The following FAM178B variants were observed in gnomAD, a reference collection of about 807,000 sequenced individuals.
FAM178B encodes protein FAM178B.
In FAM178B, 82 loss-of-function variants were observed where a neutral mutation model predicts 91.7. The ratio of observed to expected loss-of-function variants is 0.89; its 90% CI spans 0.75 to 1.07. FAM178B has a LOEUF of 1.07. Among genes scored for constraint, FAM178B ranks in the 50% least tolerant of loss-of-function variants. FAM178B has a pLI of 0.00. For missense variants in FAM178B, 769 were observed against 846.7 expected, an observed-to-expected ratio of 0.91 and a Z score of 1.14; for synonymous variants, 368 against 359.4, an observed-to-expected ratio of 1.02 and a Z score of -0.27.
chr2:96,889,840 C>T (rs933446748), intron 14 of FAM178B, among the ~76,000 whole-genome samples: 2 of 151,648 alleles, frequency 1.3e-5, no homozygotes, highest in Non-Finnish European at 2.9e-5. Flanking sequence ...TCAATAATCT[C>T]GATGGAATTG....
chr2:96,943,760 GC>G (rs11308714), intron 8 of FAM178B, among the ~76,000 whole-genome samples: 28,084 of 152,052 alleles, frequency 0.18, 4,209 homozygotes, highest in African/African-American at 0.41. Flanking sequence ...TTCAAGGAAA[GC>G]CCCTACTCTT....
intron 12 of FAM178B, among the ~76,000 whole-genome samples, chr2:96,908,009 C>T (rs879433572): frequency 2.5e-4 from 38 of 152,260 alleles, no homozygotes; most frequent in Admixed American, 9.8e-4. Flanking sequence ...CCGCCTGGCT[C>T]GCACCCCGGG....
At chr2:96,941,128 T>C (rs898115805) in intron 8 of FAM178B, among the ~76,000 whole-genome samples, 77 of 152,268 alleles carry the variant, frequency 5.1e-4, no homozygotes, top group African/African-American at 1.8e-3. Context: ...GTATTCATTT[T>C]GTGCCGGGAA....
At chr2:96,877,207 T>C (rs1345007488) in intron 16 of FAM178B, among the ~76,000 whole-genome samples, 2 of 152,028 alleles carry the variant, frequency 1.3e-5, no homozygotes, top group African/African-American at 2.4e-5. Context: ...CTGGGAGCCT[T>C]CCTCCTAACA....
intron 13 of FAM178B, among the ~76,000 whole-genome samples, chr2:96,897,646 T>C (rs1364068355): frequency 1.3e-5 from 2 of 152,158 alleles, no homozygotes; most frequent in African/African-American, 4.8e-5. Context: ...GAAATGCACC[T>C]ACAACCTGAC....
intron 8 of FAM178B, among the ~76,000 whole-genome samples, chr2:96,929,894 A>G (rs1487313850): frequency 2.0e-5 from 3 of 152,178 alleles, no homozygotes; most frequent in Non-Finnish European, 4.4e-5. Flanking sequence ...TCCCTTGCCC[A>G]ATTTAACCAA....
intron 14 of FAM178B, among the ~76,000 whole-genome samples, chr2:96,878,797 C>T (rs763224612): frequency 3.9e-5 from 6 of 152,344 alleles, no homozygotes; most frequent in South Asian, 2.1e-4. Context: ...ACACACTGTC[C>T]CCCAGCCTTG....
intron 7 of FAM178B, among the ~76,000 whole-genome samples, chr2:96,950,502 C>T (rs556495235): frequency 5.9e-4 from 90 of 152,292 alleles, no homozygotes; most frequent in Admixed American, 1.8e-3. Context: ...TGGAATAATC[C>T]GCCCCACATG....
At chr2:96,937,268 G>A (rs1201506898) in intron 8 of FAM178B, among the ~76,000 whole-genome samples, 2 of 152,164 alleles carry the variant, frequency 1.3e-5, no homozygotes, top group African/African-American at 4.8e-5. Context: ...CCCAGCAATT[G>A]TGGTTTAATT....
At chr2:96,947,747 G>A in intron 8 of FAM178B, 71 bp downstream of exon 8, 1 of 871,690 alleles carries the variant, frequency 1.1e-6, no homozygotes, top group Non-Finnish European at 1.8e-6. Flanking sequence ...TGGGCTCTGG[G>A]CACTGAGAGT....
chr2:96,968,041 C>G (rs1313240848), intron 4 of FAM178B, among the ~76,000 whole-genome samples: 1 of 150,874 alleles, frequency 6.6e-6, no homozygotes, highest in Admixed American at 6.6e-5. Context: ...AAGCAATTTC[C>G]CACCTCAGCC....
chr2:96,922,129 C>T (rs574460697), intron 10 of FAM178B, among the ~76,000 whole-genome samples: 13 of 152,266 alleles, frequency 8.5e-5, no homozygotes, highest in African/African-American at 3.1e-4. Flanking sequence ...CTAAAAGACA[C>T]TCCCACCAGT....
chr2:96,978,368 T>C (rs1227201705), intron 1 of FAM178B, among the ~76,000 whole-genome samples: 1 of 152,214 alleles, frequency 6.6e-6, no homozygotes, highest in Non-Finnish European at 1.5e-5. Flanking sequence ...TGGTGAGGTT[T>C]CGGCTTTTAG....
chr2:96,960,602 C>G (rs528734104), intron 5 of FAM178B, among the ~76,000 whole-genome samples, 162 bp from the exon 6 acceptor site: 23 of 152,310 alleles, frequency 1.5e-4, no homozygotes, highest in African/African-American at 4.6e-4. Flanking sequence ...GGAGGAAGAG[C>G]CCACCTAGGC....
chr2:96,951,306 C>T (rs1038364863), intron 7 of FAM178B, 73 bp downstream of exon 7: 2 of 1,116,808 alleles, frequency 1.8e-6, no homozygotes, highest in South Asian at 1.3e-5. Context: ...GTGCCCACCC[C>T]TCAGCCTGTG....
In FAM178B at chr2:96,974,305, C is replaced by T. The variant is rs189966360; in HGVS notation, c.74-1699G>A. On this transcript the variant is annotated intron_variant, in intron 1 of 16. Transcript: ENST00000490605. ...GCTGAGGCAGGAGAATGGCATGAAC[C>T]CAAGAGGCGGAGGTTGCAGTGAGCC... Among the ~76,000 whole-genome samples, 147 of 148,642 alleles carry T rather than the reference C, an allele frequency of 9.9e-4. 1 individual carries two copies. The East Asian group carries it at 0.029, about 29-fold the overall frequency.
intron 8 of FAM178B, among the ~76,000 whole-genome samples, chr2:96,932,932 T>C: frequency 2.2e-5 from 2 of 90,730 alleles, no homozygotes; most frequent in African/African-American, 4.9e-5. Context: ...AGAGTGAGAC[T>C]CCGTCTCACA....
At position 96,971,900 on chromosome 2, in the gene FAM178B, C is replaced by A. The variant is rs2082223362; in HGVS notation, c.564+1G>T. On this transcript the variant is annotated splice_donor_variant, in intron 3 of 16. Transcript: ENST00000490605. LOFTEE classifies it high-confidence loss of function. ...GAGGCCAAGGGTGGACACAGGCTCA[C>A]CTCTGGGGCCGCAGCCTGCTGGCTC... 2 of 1,490,724 alleles carry A rather than the reference C, an allele frequency of 1.3e-6. No individual in the cohort carries two copies. The highest frequency in any genetic ancestry group is 1.8e-6 in the Non-Finnish European group (2 of 1,119,184). 92.3% of individuals were successfully genotyped at this position (1,490,724 alleles called of 1,614,324 possible).
At chr2:96,966,180 G>A (rs2082140730) in intron 5 of FAM178B, among the ~76,000 whole-genome samples, 3 of 152,000 alleles carry the variant, frequency 2.0e-5, no homozygotes, top group African/African-American at 7.3e-5. Context: ...CACACGCCAG[G>A]TGCACTCCCA....
Sources: allele counts gnomAD v4.1 joint callset (sites outside exome capture counted in the v4.1 genomes callset), GRCh38; gene constraint gnomAD v4.1.1; transcripts MANE v1.5; gene names NCBI Gene and HGNC (gene_info 2026-07-23, HGNC 2026-07-21).